Variants in GLRA2 observed in about 807,000 individuals in gnomAD.
GLRA2 encodes glycine receptor subunit alpha-2.
Under a neutral mutation model 31.6 loss-of-function variants are expected in GLRA2, and 11 were observed. The observed-to-expected ratio is 0.35, with a 90% confidence interval of 0.22 to 0.58. The LOEUF is 0.58. Among genes scored for constraint, GLRA2 ranks in the 20% least tolerant of loss-of-function variants. The pLI, the probability that GLRA2 is intolerant of heterozygous loss-of-function variation, is 0.84. For missense variants in GLRA2, 212 were observed against 351.8 expected, an observed-to-expected ratio of 0.60 and a Z score of 3.18; for synonymous variants, 132 against 134.0, an observed-to-expected ratio of 0.99 and a Z score of 0.10.
intron 2 of GLRA2, among the ~76,000 whole-genome samples, chrX:14,544,381 C>T (rs758533853): frequency 3.6e-5 from 4 of 111,776 alleles, no homozygotes; most frequent in Non-Finnish European, 5.7e-5. Flanking sequence ...GACAAAGTTT[C>T]ATACCTGTAT....
At chrX:14,706,485 G>C (rs1326896085) in intron 8 of GLRA2, among the ~76,000 whole-genome samples, 1 of 112,112 alleles carries the variant, frequency 8.9e-6, no homozygotes, top group East Asian at 2.8e-4. Context: ...TATTACTGTG[G>C]CTGCTTGTGT....
chrX:14,601,634 AT>A (rs1394876208), intron 4 of GLRA2, among the ~76,000 whole-genome samples: 3 of 112,040 alleles, frequency 2.7e-5, no homozygotes, highest in Non-Finnish European at 3.8e-5. Flanking sequence ...GCACTGTTTT[AT>A]ATCTTTCTTT....
At chrX:14,710,716 G>T (rs757646238) in intron 8 of GLRA2, among the ~76,000 whole-genome samples, 1 of 111,964 alleles carries the variant, frequency 8.9e-6, no homozygotes, top group African/African-American at 3.2e-5. Context: ...ACTTCTGAGA[G>T]ATTATGGAGG....
intron 4 of GLRA2, among the ~76,000 whole-genome samples, chrX:14,594,340 G>C (rs895945990): frequency 9.0e-6 from 1 of 110,620 alleles, no homozygotes; most frequent in African/African-American, 3.3e-5. Flanking sequence ...CTTCACCTCA[G>C]TGCCACGATT....
chrX:14,630,862 C>T (rs962475114), intron 7 of GLRA2, among the ~76,000 whole-genome samples: 21 of 103,208 alleles, frequency 2.0e-4, no homozygotes, highest in East Asian at 3.0e-4. Context: ...AACGTGTGGG[C>T]GGTCTCTGCT....
chrX:14,505,455 C>T, the GLRA2 span, among the ~76,000 whole-genome samples: 2 of 111,033 alleles, frequency 1.8e-5, no homozygotes, highest in East Asian at 5.7e-4. Flanking sequence ...TAATCCTGAG[C>T]CAAGACTGAA....
At chrX:14,520,909 T>C in the GLRA2 span, among the ~76,000 whole-genome samples, 1 of 112,958 alleles carries the variant, frequency 8.9e-6, no homozygotes, top group South Asian at 3.6e-4. Flanking sequence ...GTACAGAAAC[T>C]ATGCTTTGTT....
chrX:14,634,997 TTA>T (rs2147122966), intron 7 of GLRA2, among the ~76,000 whole-genome samples: 1 of 112,053 alleles, frequency 8.9e-6, no homozygotes, highest in African/African-American at 3.2e-5. Context: ...GAATTAATCT[TTA>T]TGTTTGAATA....
At chrX:14,529,339 T>C (rs1199208602), upstream of GLRA2, 2 of 103,430 alleles carry the variant, frequency 1.9e-5, no homozygotes, top group Non-Finnish European at 3.9e-5. Context: ...TCTTCTCCTC[T>C]TGCTGTCATC....
intron 7 of GLRA2, among the ~76,000 whole-genome samples, chrX:14,620,311 G>A (rs934334171): frequency 1.8e-5 from 2 of 108,341 alleles, no homozygotes; most frequent in African/African-American, 3.4e-5. Flanking sequence ...GTCCCTTCTC[G>A]CTTCTCCAGT....
chrX:14,603,967 T>C (rs762237964), intron 4 of GLRA2, among the ~76,000 whole-genome samples: 4 of 111,095 alleles, frequency 3.6e-5, no homozygotes, highest in Non-Finnish European at 7.6e-5. Flanking sequence ...TTTTGGACAT[T>C]GGCGTGGGTA....
chrX:14,609,247 C>T, intron 7 of GLRA2, 42 bp downstream of exon 7: 1 of 913,740 alleles, frequency 1.1e-6, no homozygotes, highest in Non-Finnish European at 1.6e-6. Context: ...GAAAGCTTCC[C>T]AAAGGTCTTG....
At chrX:14,505,777 G>A in the GLRA2 span, among the ~76,000 whole-genome samples, 1 of 111,538 alleles carries the variant, frequency 9.0e-6, no homozygotes, top group East Asian at 2.8e-4. Context: ...ACCAGATAAA[G>A]CAGAGTTGCT....
At chrX:14,645,585 A>G (rs1161137862) in intron 7 of GLRA2, among the ~76,000 whole-genome samples, 1 of 111,742 alleles carries the variant, frequency 8.9e-6, no homozygotes, top group East Asian at 2.8e-4. Context: ...AATACTTTGA[A>G]CATAGATCCA....
chrX:14,610,171 A>C (rs1011087660), intron 7 of GLRA2, among the ~76,000 whole-genome samples: 2 of 112,035 alleles, frequency 1.8e-5, no homozygotes, highest in African/African-American at 6.5e-5. Context: ...TTTCCGGAAA[A>C]TAATGAAGAT....
At chrX:14,564,424 G>A (rs1319060024) in intron 2 of GLRA2, among the ~76,000 whole-genome samples, 3 of 111,598 alleles carry the variant, frequency 2.7e-5, no homozygotes, top group Non-Finnish European at 5.7e-5. Flanking sequence ...AGCTGAGGGA[G>A]TTCATTACCA....
chrX:14,669,530 C>T (rs188985728), intron 7 of GLRA2, among the ~76,000 whole-genome samples: 1 of 111,350 alleles, frequency 9.0e-6, no homozygotes, highest in Non-Finnish European at 1.9e-5. Flanking sequence ...GTTTCTATAC[C>T]TCTTCTGAAA....
chrX:14,490,238 T>C, the GLRA2 span, among the ~76,000 whole-genome samples: 2 of 112,047 alleles, frequency 1.8e-5, no homozygotes, highest in Non-Finnish European at 3.8e-5. Context: ...GTGTCAAATA[T>C]CTTTGCAGTT....
the GLRA2 span, among the ~76,000 whole-genome samples, chrX:14,518,978 C>T: frequency 1.0e-5 from 1 of 95,600 alleles, no homozygotes; most frequent in South Asian, 5.3e-4. Flanking sequence ...CGCCACTGCA[C>T]TCCAGCCTGG....
Sources: gnomAD v4.1 joint callset for allele counts (sites outside exome capture counted in the v4.1 genomes callset) on GRCh38, gnomAD v4.1.1 for gene constraint, MANE v1.5 for transcripts, NCBI Gene and HGNC (gene_info 2026-07-23, HGNC 2026-07-21) for gene names.